KCNK2: variants seen among roughly 807,000 people sequenced by gnomAD.
KCNK2 encodes potassium two pore domain channel subfamily K member 2.
A neutral mutation model predicts 40.5 loss-of-function variants in KCNK2; 21 were observed. The observed-to-expected ratio is 0.52, with a 90% confidence interval of 0.37 to 0.75. The LOEUF (loss-of-function observed/expected upper bound fraction) is 0.75, where lower values mean the gene tolerates loss of function less well. Among genes scored for constraint, KCNK2 ranks in the 30% least tolerant of loss-of-function variants. The pLI is 0.00. For synonymous variants in KCNK2, 191 were observed against 202.2 expected (o/e 0.94, Z 0.47); for missense variants, 399 against 531.6 (o/e 0.75, Z 2.45).
chr1:215,232,237 T>A (rs1666694537), intron 6 of KCNK2, among the ~76,000 whole-genome samples: 1 of 152,194 alleles, frequency 6.6e-6, no homozygotes, highest in Admixed American at 6.6e-5. Context: ...ATAGCCATTA[T>A]CCTTGGGGAG....
chr1:215,056,226 T>C (rs988266374), intron 1 of KCNK2, among the ~76,000 whole-genome samples: 11 of 148,066 alleles, frequency 7.4e-5, no homozygotes, highest in Middle Eastern at 3.4e-3. Context: ...GAGAGTCGCT[T>C]GAACCCAGGA....
At chr1:215,215,070 A>G (rs149005947) in intron 6 of KCNK2, among the ~76,000 whole-genome samples, 1 of 152,216 alleles carries the variant, frequency 6.6e-6, no homozygotes, top group Non-Finnish European at 1.5e-5. Context: ...AAACCTGGGA[A>G]TAGTTAAAGC....
At chr1:215,212,385 G>T (rs1329230034) in intron 6 of KCNK2, among the ~76,000 whole-genome samples, 1 of 152,066 alleles carries the variant, frequency 6.6e-6, no homozygotes, top group East Asian at 1.9e-4. Flanking sequence ...TTTCTAAACT[G>T]TGTAAAATGA....
chr1:215,224,916 G>A (rs1666323111), intron 6 of KCNK2, among the ~76,000 whole-genome samples: 1 of 152,060 alleles, frequency 6.6e-6, no homozygotes, highest in Admixed American at 6.6e-5. Flanking sequence ...GGCAATTGCA[G>A]TCCACTTCTG....
At chr1:215,007,029 A>ATGTGTGTGTGTGTGTGTG in intron 1 of KCNK2, among the ~76,000 whole-genome samples, 1 of 68,450 alleles carries the variant, frequency 1.5e-5, no homozygotes, top group African/African-American at 5.3e-5. Context: ...ATATATATAT[A>ATGTGTGTGTGTGTGTGTG]TATATATATG....
Position 215,156,910 on chromosome 1 carries a change from G to A in KCNK2, c.476-12289G>A, listed in dbSNP as rs144232027. Among the ~76,000 whole-genome samples, 28 of 152,246 alleles carry A rather than the reference G, an allele frequency of 1.8e-4. 1 individual carries two copies. The East Asian group carries it at 3.9e-3, about 21-fold the overall frequency. On this transcript the variant is annotated intron_variant, in intron 3 of 6. Coordinates refer to ENST00000444842, the MANE Select transcript of KCNK2 (RefSeq NM_001017425.3). ...CTACTAAAAATACAAAATTAGCTGG[G>A]TGTGGTGGCTCGTGCCTGTAATCCC...
intron 4 of KCNK2, among the ~76,000 whole-genome samples, chr1:215,169,998 A>T (rs1663629625): frequency 6.6e-6 from 1 of 152,116 alleles, no homozygotes; most frequent in South Asian, 2.1e-4. Context: ...TAAACTAGTT[A>T]TTATCCCATC....
chr1:215,029,415 A>G lies in KCNK2; in HGVS notation c.34+23460A>G, dbSNP rs1657108044. On this transcript the variant is annotated intron_variant, in intron 1 of 6. Coordinates refer to the KCNK2 transcript ENST00000391895. ...ATTTTTTTTTCACTTAGTGGTATTA[A>G]TTTAAGTGTCACTCATGTCTTTTCA... Among the ~76,000 whole-genome samples the G allele has an allele frequency of 2.7e-5, 4 of 150,864 alleles. No homozygotes were observed. In the South Asian group the frequency reaches 8.3e-4, roughly 31 times the overall value.
At chr1:215,024,784 C>G (rs558141527) in intron 1 of KCNK2, among the ~76,000 whole-genome samples, 1 of 152,048 alleles carries the variant, frequency 6.6e-6, no homozygotes, top group Non-Finnish European at 1.5e-5. Flanking sequence ...CATGTTTTAG[C>G]GGTATATAAA....
chr1:215,101,410 G>T (rs530373896), intron 2 of KCNK2, among the ~76,000 whole-genome samples: 14 of 151,806 alleles, frequency 9.2e-5, no homozygotes, highest in Admixed American at 5.3e-4. Flanking sequence ...AAGGTTTTTT[G>T]GGGTGGGCAG....
intron 1 of KCNK2, among the ~76,000 whole-genome samples, chr1:215,015,501 ACT>A (rs1398169099): frequency 6.6e-6 from 1 of 151,974 alleles, no homozygotes; most frequent in Non-Finnish European, 1.5e-5. Context: ...TTGGCGGGTA[ACT>A]CTTTATCCAT....
chr1:215,149,716 G>T (rs1662601517), intron 3 of KCNK2, among the ~76,000 whole-genome samples: 1 of 152,200 alleles, frequency 6.6e-6, no homozygotes, highest in African/African-American at 2.4e-5. Context: ...CTCATGTGCA[G>T]AAGAGATTTT....
intron 5 of KCNK2, among the ~76,000 whole-genome samples, chr1:215,174,859 A>G (rs4528091): frequency 1 from 151,877 of 152,266 alleles, 75,750 homozygotes; most frequent in Middle Eastern, 1. Flanking sequence ...AGCTTAAGGA[A>G]ATTTTGGGCC....
chr1:215,054,621 A>G (rs569273841), intron 1 of KCNK2, among the ~76,000 whole-genome samples: 3 of 152,304 alleles, frequency 2.0e-5, no homozygotes, highest in Admixed American at 6.5e-5. Flanking sequence ...GCAGAGGGAA[A>G]AGTTTGCAAG....
intron 5 of KCNK2, among the ~76,000 whole-genome samples, chr1:215,189,854 C>T (rs1026159408): frequency 6.6e-6 from 1 of 152,086 alleles, no homozygotes; most frequent in Non-Finnish European, 1.5e-5. Flanking sequence ...CATATTAAGA[C>T]AGGATAGCTT....
intron 3 of KCNK2, among the ~76,000 whole-genome samples, chr1:215,140,728 G>T (rs1018204679): frequency 3.3e-5 from 5 of 152,122 alleles, no homozygotes; most frequent in Admixed American, 3.3e-4. Flanking sequence ...AGTGGTGAGT[G>T]ATTGTAAAGG....
intron 1 of KCNK2, among the ~76,000 whole-genome samples, chr1:215,006,396 G>A (rs1172051276): frequency 6.6e-6 from 1 of 152,120 alleles, no homozygotes; most frequent in African/African-American, 2.4e-5. Context: ...TTTCCTGAGG[G>A]AATCTTATGT....
chr1:215,210,651 G>T (rs73080088), intron 6 of KCNK2, among the ~76,000 whole-genome samples: 12,606 of 151,882 alleles, frequency 0.083, 1,134 homozygotes, highest in African/African-American at 0.23. Flanking sequence ...TATATATATA[G>T]AGAGAGAGTA....
intron 5 of KCNK2, among the ~76,000 whole-genome samples, chr1:215,177,292 A>T (rs1327247263): frequency 1.3e-5 from 2 of 151,906 alleles, no homozygotes; most frequent in Non-Finnish European, 2.9e-5. Context: ...TATTTTATCC[A>T]ATTCTATAGG....
Sources: allele counts gnomAD v4.1 joint callset (sites outside exome capture counted in the v4.1 genomes callset), GRCh38; gene constraint gnomAD v4.1.1; transcripts MANE v1.5; gene names NCBI Gene and HGNC (gene_info 2026-07-23, HGNC 2026-07-21).